The following NAP1L1 variants were observed in gnomAD, a reference collection of about 807,000 sequenced individuals.
NAP1L1 encodes the protein nucleosome assembly protein 1 like 1, also known as nucleosome assembly protein 1-like 1.
NAP1L1 carries 9 observed loss-of-function variants against 58.9 expected under a neutral mutation model. The ratio of observed to expected loss-of-function variants is 0.15; its 90% CI spans 0.09 to 0.27. The LOEUF is 0.27. Among genes scored for constraint, NAP1L1 ranks in the 10% least tolerant of loss-of-function variants. NAP1L1 has a pLI of 1.00. For synonymous variants in NAP1L1, 130 were observed against 138.3 expected, an observed-to-expected ratio of 0.94 and a Z score of 0.42; for missense variants, 302 against 458.8, an observed-to-expected ratio of 0.66 and a Z score of 3.12.
At chr12:76,052,013 C>T (rs76734014) in intron 11 of NAP1L1, among the ~76,000 whole-genome samples, 2 of 146,076 alleles carry the variant, frequency 1.4e-5, no homozygotes, top group South Asian at 4.3e-4. Flanking sequence ...TACTTCATCT[C>T]AAAAAAAAAA....
intron 12 of NAP1L1, among the ~76,000 whole-genome samples, chr12:76,050,089 C>T (rs1328453734): frequency 1.3e-5 from 2 of 152,168 alleles, no homozygotes; most frequent in Non-Finnish European, 2.9e-5. Context: ...GACCTAAAGC[C>T]TACTCTAACA....
At chr12:76,049,867 A>T in intron 12 of NAP1L1, 82 bp from the exon 13 acceptor site, 1 of 1,468,010 alleles carries the variant, frequency 6.8e-7, no homozygotes, top group Non-Finnish European at 9.5e-7. Flanking sequence ...ATCACTGTAT[A>T]AACTAGTGTC....
At chr12:76,061,902 C>G (rs1456355792) in intron 4 of NAP1L1, among the ~76,000 whole-genome samples, 1 of 152,184 alleles carries the variant, frequency 6.6e-6, no homozygotes, top group East Asian at 1.9e-4. Context: ...CCCCAAAAAG[C>G]TAATCCCAGA....
chr12:76,053,397 A>AC, intron 9 of NAP1L1, 47 bp from the exon 10 acceptor site: 1 of 1,575,780 alleles, frequency 6.3e-7, no homozygotes, highest in Non-Finnish European at 8.6e-7. Context: ...CAATCTTTCA[A>AC]CTGCTAAACT....
At position 76,042,763 on chromosome 12, in the gene NAP1L1, AAG is replaced by A. The variant is rs1948562102; in HGVS notation, c.*5664_*5665del. On this transcript the variant is annotated 3_prime_UTR_variant, in exon 15 of 15. Transcript: ENST00000618691. ...AAGAGCATATTCAGCAACTGGACTT[AAG>A]TTTCTAAGTAATACTCCCTATTCTA... The A allele has an allele frequency of 6.6e-6, 1 of 152,204 alleles. No homozygotes were observed. Among genetic ancestry groups the A allele is most frequent in the Non-Finnish European group, 1.5e-5 (1 of 68,040 alleles). 9.4% of individuals were successfully genotyped at this position (152,204 alleles called of 1,614,324 possible). A position where few individuals can be genotyped will look rare whatever the true frequency, so the allele number is the denominator to read the frequency against.
chr12:76,059,949 T>G, intron 5 of NAP1L1, 71 bp from the exon 6 acceptor site: 1 of 1,311,140 alleles, frequency 7.6e-7, no homozygotes, highest in Non-Finnish European at 1.1e-6. Context: ...GGTTTCTCAC[T>G]AAGAAGTCTT....
Position 76,066,534 on chromosome 12 carries a change from G to A in NAP1L1, c.206+837C>T, listed in dbSNP as rs567692617. On this transcript the variant is annotated intron_variant, in intron 4 of 14. Transcript: ENST00000618691. ...AAGGGTACCAATGGGCAACGAAAAA[G>A]GTTCAAGCATTATGTAGAAAAGCTA... 2.0e-5 allele frequency among the ~76,000 whole-genome samples: 3 copies of A among 152,016 alleles called. No homozygotes were observed. The East Asian group carries it at 5.8e-4, about 29-fold the overall frequency.
intron 12 of NAP1L1, among the ~76,000 whole-genome samples, 169 bp from the exon 13 acceptor site, chr12:76,049,954 GCTCA>G (rs1251662030): frequency 6.6e-6 from 1 of 152,080 alleles, no homozygotes; most frequent in Non-Finnish European, 1.5e-5. Flanking sequence ...GAATCACTCT[GCTCA>G]CTGCCAATTT....
chr12:76,077,980 CAAA>C (rs58558132), intron 1 of NAP1L1, among the ~76,000 whole-genome samples: 1 of 65,962 alleles, frequency 1.5e-5, no homozygotes, highest in African/African-American at 6.3e-5. Context: ...GACCCTGTCT[CAAA>C]AAAAAAAAAA....
chr12:76,050,745 G>T, intron 11 of NAP1L1, 92 bp from the exon 12 acceptor site: 1 of 1,361,528 alleles, frequency 7.3e-7, no homozygotes, highest in Non-Finnish European at 1.0e-6. Context: ...TGGGTGTGAT[G>T]GCTCACAACT....
chr12:76,072,540 C>T (rs1464317669), intron 2 of NAP1L1, among the ~76,000 whole-genome samples: 2 of 151,974 alleles, frequency 1.3e-5, no homozygotes, highest in South Asian at 2.1e-4. Context: ...CAAGAATATC[C>T]CTGAACTAAA....
At chr12:76,057,458 G>A (rs910571028) in intron 6 of NAP1L1, 14 of 620,064 alleles carry the variant, frequency 2.3e-5, no homozygotes, top group Non-Finnish European at 3.5e-5. Context: ...CCGGGGAAAC[G>A]AGTTGCATTT....
rs144520867 is a variant in NAP1L1 at position 76,078,091 on chromosome 12, A to G, written c.-20-3852T>C. Among the ~76,000 whole-genome samples the G allele has an allele frequency of 3.1e-4, 47 of 152,216 alleles. No homozygotes were observed. The East Asian group carries it at 7.9e-3, about 26-fold the overall frequency. Reference sequence around the variant, plus strand: ...TGAAATGCTAACAAGATAGTAAGGAATCACCAGCCCAAAACTGAGGGCAAA... The same window carrying G: ...TGAAATGCTAACAAGATAGTAAGGAGTCACCAGCCCAAAACTGAGGGCAAA... On this transcript the variant is annotated intron_variant, in intron 1 of 14. Transcript: ENST00000618691.
intron 4 of NAP1L1, among the ~76,000 whole-genome samples, chr12:76,066,799 C>G (rs890567921): frequency 6.6e-6 from 1 of 152,016 alleles, no homozygotes; most frequent in Non-Finnish European, 1.5e-5. Context: ...GCACACATCT[C>G]AAAGAAATTC....
At position 76,039,584 on chromosome 12, in the gene NAP1L1, G is replaced by C. The variant is rs1367337155; in HGVS notation, c.*8845C>G. 1.3e-5 allele frequency: 2 copies of C among 152,136 alleles called. No individual in the cohort carries two copies. The highest frequency in any genetic ancestry group is 2.9e-5 in the Non-Finnish European group (2 of 68,040). The allele number at this position is 152,136 out of a possible 1,614,324, so 9.4% of individuals were successfully genotyped here. A position where few individuals can be genotyped will look rare whatever the true frequency, so the allele number is the denominator to read the frequency against. On this transcript the variant is annotated 3_prime_UTR_variant, in exon 15 of 15. Transcript: ENST00000618691. ...TAAAATGAAATCTAGATTAACTCTG[G>C]TCTCTAAAATATTTCATCTCTGAAA... is the stretch of plus-strand genomic sequence containing the variant.
In NAP1L1 at chr12:76,059,515, C is replaced by T. The variant is rs1314549669; in HGVS notation, c.429+283G>A. On this transcript the variant is annotated intron_variant, in intron 6 of 14. Transcript: ENST00000618691. ...ATGAATTCGAACTTTAAGTCAGGTG[C>T]TGCAAATTGGAAATAAGACTTGTGG... The T allele has an allele frequency of 9.4e-6, 3 of 320,826 alleles. No homozygotes were observed. In the Admixed American group the frequency reaches 1.4e-4, roughly 15 times the overall value. The allele number at this position is 320,826 out of a possible 1,614,324, so 19.9% of individuals were successfully genotyped here. A position where few individuals can be genotyped will look rare whatever the true frequency, so the allele number is the denominator to read the frequency against.
chr12:76,061,037 G>C (rs1592648922), intron 4 of NAP1L1: 1 of 445,282 alleles, frequency 2.2e-6, no homozygotes, highest in South Asian at 1.6e-5. Flanking sequence ...AGGCTGAATT[G>C]AGCAAGATTG....
intron 1 of NAP1L1, among the ~76,000 whole-genome samples, chr12:76,079,975 C>T (rs886812387): frequency 5.3e-5 from 8 of 152,290 alleles, no homozygotes; most frequent in Admixed American, 5.2e-4. Flanking sequence ...GTGTGAGCCA[C>T]CACACCTGGC....
intron 12 of NAP1L1, 147 bp from the exon 13 acceptor site, chr12:76,049,932 T>A: frequency 1.3e-6 from 1 of 780,118 alleles, no homozygotes; most frequent in Non-Finnish European, 2.1e-6. Context: ...TTAAAACACA[T>A]AGTAGCTGCA....
Sources: allele counts gnomAD v4.1 joint callset (sites outside exome capture counted in the v4.1 genomes callset), GRCh38; gene constraint gnomAD v4.1.1; transcripts MANE v1.5; gene names NCBI Gene and HGNC (gene_info 2026-07-23, HGNC 2026-07-21).